Variants in GREB1L observed in about 807,000 individuals in gnomAD.
GREB1L encodes the protein GREB1-like protein.
A neutral mutation model predicts 200.8 loss-of-function variants in GREB1L; 17 were observed. The ratio of observed to expected loss-of-function variants is 0.08; its 90% CI spans 0.06 to 0.13. GREB1L has a LOEUF of 0.13. Ranked by LOEUF, GREB1L falls within the 10% of genes least tolerant of loss-of-function variation. The pLI, the probability that GREB1L is intolerant of heterozygous loss-of-function variation, is 1.00. For missense variants in GREB1L, 1,657 were observed against 2,367.7 expected (o/e 0.70, Z 6.23); for synonymous variants, 789 against 893.0 (o/e 0.88, Z 2.08).
intron 31 of GREB1L, 127 bp from the exon 32 acceptor site, chr18:21,520,561 G>GA (rs1348004907): frequency 4.7e-6 from 5 of 1,072,496 alleles, no homozygotes; most frequent in South Asian, 1.6e-5. Context: ...GTTAATATTG[G>GA]AAAAAACTCA....
chr18:21,465,894 G>A (rs1236317025), intron 15 of GREB1L, among the ~76,000 whole-genome samples: 2 of 152,070 alleles, frequency 1.3e-5, no homozygotes, highest in Admixed American at 6.5e-5. Flanking sequence ...CCTCCTTGAT[G>A]CTAATGTCCC....
intron 5 of GREB1L, among the ~76,000 whole-genome samples, chr18:21,399,128 A>G (rs1244785728): frequency 1.3e-5 from 2 of 152,190 alleles, no homozygotes; most frequent in African/African-American, 4.8e-5. Context: ...ACTCAACCTC[A>G]GTAGTTTGTT....
chr18:21,337,860 G>A (rs1262498511), intron 1 of GREB1L, among the ~76,000 whole-genome samples: 1 of 151,868 alleles, frequency 6.6e-6, no homozygotes, highest in Admixed American at 6.6e-5. Context: ...GGTGGTGGGC[G>A]CCTATAGTCC....
At chr18:21,274,887 T>TA (rs1318345204) in intron 1 of GREB1L, among the ~76,000 whole-genome samples, 3 of 150,530 alleles carry the variant, frequency 2.0e-5, no homozygotes, top group Non-Finnish European at 4.4e-5. Flanking sequence ...ACCCCATCTC[T>TA]AAAAAAATAA....
chr18:21,403,157 G>T (rs291794), intron 6 of GREB1L, among the ~76,000 whole-genome samples: 54,977 of 151,824 alleles, frequency 0.36, 15,064 homozygotes, highest in African/African-American at 0.74. Context: ...TTTTTGAGAC[G>T]AATAGGGTAA....
At position 21,345,296 on chromosome 18, in the gene GREB1L, A is replaced by G. The variant is rs1286474224; in HGVS notation, c.-119-20731A>G. Reference sequence around the variant, plus strand: ...TTTCTCAGGGTTCCCTGAATCAGAAAAGGTACCATCATCCACCCCAGTTTG... The same window carrying G: ...TTTCTCAGGGTTCCCTGAATCAGAAGAGGTACCATCATCCACCCCAGTTTG... On this transcript the variant is annotated intron_variant, in intron 1 of 32. Transcript: ENST00000424526. Among the ~76,000 whole-genome samples, 4 of 152,202 alleles carry G rather than the reference A, an allele frequency of 2.6e-5. No homozygotes were observed. The East Asian group carries it at 7.7e-4, about 29-fold the overall frequency.
At chr18:21,510,733 T>A (rs1463136664) in intron 27 of GREB1L, among the ~76,000 whole-genome samples, 1 of 152,188 alleles carries the variant, frequency 6.6e-6, no homozygotes, top group Non-Finnish European at 1.5e-5. Flanking sequence ...ATGTGGCAAT[T>A]CTATTTTTAA....
At chr18:21,499,639 T>G (rs2036692867) in intron 21 of GREB1L, 90 bp from the exon 22 acceptor site, 1 of 877,852 alleles carries the variant, frequency 1.1e-6, no homozygotes, top group Admixed American at 2.6e-5. Context: ...CCGAGCCCAG[T>G]GTCCACTGCT....
chr18:21,470,919 T>A (rs2035458706), intron 15 of GREB1L, among the ~76,000 whole-genome samples: 1 of 152,182 alleles, frequency 6.6e-6, no homozygotes, highest in Non-Finnish European at 1.5e-5. Flanking sequence ...AGCAAGTCTA[T>A]AACACAATTT....
intron 17 of GREB1L, among the ~76,000 whole-genome samples, chr18:21,481,072 G>A (rs1260534149): frequency 2.0e-5 from 3 of 152,026 alleles, no homozygotes; most frequent in Non-Finnish European, 4.4e-5. Context: ...ACATATCTAA[G>A]TCACTATTAT....
At chr18:21,423,530 C>T (rs1017862656) in intron 7 of GREB1L, among the ~76,000 whole-genome samples, 1 of 152,144 alleles carries the variant, frequency 6.6e-6, no homozygotes, top group Non-Finnish European at 1.5e-5. Flanking sequence ...CTCCAAGAAG[C>T]ATGCAGAATT....
At chr18:21,327,341 C>G (rs1372341262) in intron 1 of GREB1L, among the ~76,000 whole-genome samples, 1 of 152,268 alleles carries the variant, frequency 6.6e-6, no homozygotes, top group East Asian at 1.9e-4. Context: ...AGGCTTCCCT[C>G]CCTTCCTCAT....
intron 1 of GREB1L, among the ~76,000 whole-genome samples, chr18:21,357,569 A>G (rs1445462924): frequency 1.3e-5 from 2 of 152,222 alleles, no homozygotes; most frequent in African/African-American, 2.4e-5. Flanking sequence ...GACCAATGTC[A>G]TGAGCTTTTC....
Position 21,403,854 on chromosome 18 carries a change from A to G in GREB1L, c.710-18A>G, listed in dbSNP as rs1265787898. On this transcript the variant is annotated intron_variant, in intron 6 of 32. Transcript: ENST00000424526. ...AACATTGGTCACTTCATACAATGTGATTTTTACTCTTTTCCAGAATGTAGA... is the reference window on the plus strand; with the variant it reads ...AACATTGGTCACTTCATACAATGTGGTTTTTACTCTTTTCCAGAATGTAGA... The G allele has an allele frequency of 6.5e-7, 1 of 1,549,122 alleles. No homozygotes were observed. Among genetic ancestry groups the G allele is most frequent in the Non-Finnish European group, 8.7e-7 (1 of 1,145,026 alleles).
chr18:21,436,514 G>A lies in GREB1L; in HGVS notation c.833-3007G>A, dbSNP rs532842497. Among the ~76,000 whole-genome samples the A allele has an allele frequency of 4.6e-5, 7 of 152,110 alleles. 1 individual carries two copies. In the South Asian group the frequency reaches 1.5e-3, roughly 32 times the overall value. ...CTGGGTGTGGTTATGTGCACCTGTG[G>A]CCCCAGCTACACAGGAGGCTGAGGC... is the stretch of plus-strand genomic sequence containing the variant. On this transcript the variant is annotated intron_variant, in intron 7 of 32. Transcript: ENST00000424526.
chr18:21,499,639 T>C, intron 21 of GREB1L, 90 bp from the exon 22 acceptor site: 1 of 877,970 alleles, frequency 1.1e-6, no homozygotes, highest in African/African-American at 1.7e-5. Flanking sequence ...CCGAGCCCAG[T>C]GTCCACTGCT....
chr18:21,387,937 C>T (rs1401741514), intron 4 of GREB1L, among the ~76,000 whole-genome samples: 1 of 152,156 alleles, frequency 6.6e-6, no homozygotes. Flanking sequence ...GTAGGGATCC[C>T]TCATGATATA....
intron 1 of GREB1L, among the ~76,000 whole-genome samples, chr18:21,320,104 T>C (rs767381409): frequency 1.3e-5 from 2 of 152,222 alleles, no homozygotes; most frequent in Non-Finnish European, 2.9e-5. Flanking sequence ...AATATGGTCC[T>C]AGTCTCAGTT....
chr18:21,472,432 C>G (rs1223457987), intron 15 of GREB1L, among the ~76,000 whole-genome samples: 1 of 152,132 alleles, frequency 6.6e-6, no homozygotes, highest in East Asian at 1.9e-4. Flanking sequence ...GCAGTCATGA[C>G]TAATTCAGTT....
Sources: gnomAD v4.1 joint callset for allele counts (sites outside exome capture counted in the v4.1 genomes callset) on GRCh38, gnomAD v4.1.1 for gene constraint, MANE v1.5 for transcripts, NCBI Gene and HGNC (gene_info 2026-07-23, HGNC 2026-07-21) for gene names.